Variants in VPS26C observed in about 807,000 individuals in gnomAD.
The protein encoded by VPS26C is vacuolar protein sorting-associated protein 26C.
VPS26C carries 19 observed loss-of-function variants against 30.6 expected under a neutral mutation model. That is an observed-to-expected ratio of 0.62 (90% CI 0.43 to 0.91). The LOEUF (loss-of-function observed/expected upper bound fraction) is 0.91, where lower values mean the gene tolerates loss of function less well. Among genes scored for constraint, VPS26C ranks in the 40% least tolerant of loss-of-function variants. The pLI is 0.00. For missense variants in VPS26C, 318 were observed against 385.1 expected (o/e 0.83, Z 1.46); for synonymous variants, 132 against 151.5 (o/e 0.87, Z 0.95).
At position 37,233,152 on chromosome 21, in the gene VPS26C, G is replaced by A. The variant is rs554487986; in HGVS notation, c.432+210C>T. The A allele has an allele frequency of 4.4e-5, 23 of 525,438 alleles. No individual in the cohort carries two copies. The highest frequency in any genetic ancestry group is 9.5e-5 in the African/African-American group (5 of 52,892). The allele number at this position is 525,438 out of a possible 1,614,324, so 32.5% of individuals were successfully genotyped here. A position where few individuals can be genotyped will look rare whatever the true frequency, so the allele number is the denominator to read the frequency against. ...TGCCGACGTGGAGTCCCTCTGGCCC[G>A]CGGCCTCAGCTGGGGGACTCTGGGC... On this transcript the variant is annotated intron_variant, in intron 4 of 7. Coordinates refer to ENST00000309117, the MANE Select transcript of VPS26C (RefSeq NM_006052.2). This position sits in a 1 kb window ranked among gnomAD's most constrained non-coding sequence, Gnocchi z 5.2.
At chr21:37,225,788 ACTT>A (rs1555928804) in intron 7 of VPS26C, 162 bp from the exon 8 acceptor site, 1 of 530,304 alleles carries the variant, frequency 1.9e-6, no homozygotes, top group Non-Finnish European at 3.2e-6. Context: ...TTTCAGCCAA[ACTT>A]TCAGTGGAGA....
rs1211096494 is a variant in VPS26C, at chr21:37,225,725, G to A, written c.812-99C>T. The stretch of plus-strand genomic sequence containing the variant: ...GTCGCAGGAAGCTCTAACGGCGAAG[G>A]AGCACCCGGTGCGGGTGGGTTTCAT... On this transcript the variant is annotated intron_variant, in intron 7 of 7. Transcript: ENST00000309117. The A allele has an allele frequency of 6.9e-6, 7 of 1,019,108 alleles. No individual in the cohort carries two copies. In the East Asian group the frequency reaches 1.5e-4, roughly 22 times the overall value. The allele number at this position is 1,019,108 out of a possible 1,614,324, so 63.1% of individuals were successfully genotyped here.
intron 1 of VPS26C, among the ~76,000 whole-genome samples, chr21:37,256,141 C>T (rs557595979): frequency 2.0e-4 from 30 of 152,212 alleles, no homozygotes; most frequent in African/African-American, 7.0e-4. Context: ...CGGCCCTAGG[C>T]ACTGTATTAT....
chr21:37,225,918 T>A (rs559614164), intron 7 of VPS26C: 15 of 457,170 alleles, frequency 3.3e-5, no homozygotes, highest in Non-Finnish European at 6.0e-5. Flanking sequence ...TCCCTTTGCT[T>A]TCCTAAAAAG....
Position 37,225,436 on chromosome 21 carries a change from A to G in VPS26C, c.*108T>C. The G allele has an allele frequency of 1.1e-6, 1 of 919,626 alleles. No individual in the cohort carries two copies. The highest frequency in any genetic ancestry group is 1.7e-6 in the Non-Finnish European group (1 of 571,458). 57.0% of individuals were successfully genotyped at this position (919,626 alleles called of 1,614,324 possible). ...GTCTGTTTCATTTCTGATACAGAAT[A>G]ATCACAAAAACAAGTATATGCCGCT... is the stretch of plus-strand genomic sequence containing the variant. On this transcript the variant is annotated 3_prime_UTR_variant, in exon 8 of 8. Coordinates refer to ENST00000309117, the MANE Select transcript of VPS26C (RefSeq NM_006052.2).
At chr21:37,227,092 A>T (rs1314347645) in intron 7 of VPS26C, 1 of 152,542 alleles carries the variant, frequency 6.6e-6, no homozygotes, top group Admixed American at 6.5e-5. Flanking sequence ...AGGTTCATGG[A>T]AACTCACTAG....
intron 3 of VPS26C, 161 bp downstream of exon 3, chr21:37,238,299 A>G: frequency 1.3e-6 from 1 of 780,944 alleles, no homozygotes; most frequent in African/African-American, 1.8e-5. Flanking sequence ...AAATGCATTT[A>G]TCAGGGAAAT....
rs567069636 is a variant in VPS26C at position 37,260,432 on chromosome 21, A to C, written c.57+6806T>G. ...GTGGTGGCTCATGCCTGTAATCCCA[A>C]CACTTTTGTCAGGCCAAGGCAGGAG... is the stretch of plus-strand genomic sequence containing the variant. On this transcript the variant is annotated intron_variant, in intron 1 of 7. Transcript: ENST00000309117. Among the ~76,000 whole-genome samples, 4 of 152,282 alleles carry C rather than the reference A, an allele frequency of 2.6e-5. No homozygotes were observed. In the South Asian group the frequency reaches 8.3e-4, roughly 32 times the overall value.
intron 1 of VPS26C, among the ~76,000 whole-genome samples, chr21:37,246,423 C>T (rs2019292837): frequency 6.6e-6 from 1 of 151,344 alleles, no homozygotes; most frequent in South Asian, 2.1e-4. Context: ...ATAAAAAAAC[C>T]CAACCAAACT....
rs2085922667 is a variant in VPS26C, at chr21:37,228,167, G to A, written c.658+56C>T. 9.5e-6 allele frequency: 15 copies of A among 1,585,286 alleles called. No homozygotes were observed. The South Asian group carries it at 1.1e-4, about 12-fold the overall frequency. On this transcript the variant is annotated intron_variant, in intron 6 of 7. Coordinates refer to ENST00000309117, the MANE Select transcript of VPS26C (RefSeq NM_006052.2). ...CAGCATCCTCTTAACCATGGAACGT[G>A]AGGGTGGCAGTCGAGGGGGACAGGC... is the stretch of plus-strand genomic sequence containing the variant.
intron 5 of VPS26C, 37 bp from the exon 6 acceptor site, chr21:37,228,410 G>A: frequency 6.2e-7 from 1 of 1,609,262 alleles, no homozygotes; most frequent in Non-Finnish European, 8.5e-7. Context: ...CAGAATGCAG[G>A]CAAGGGGGGA....
intron 1 of VPS26C, among the ~76,000 whole-genome samples, chr21:37,255,533 G>C (rs529371409): frequency 1.3e-5 from 2 of 152,154 alleles, no homozygotes; most frequent in African/African-American, 4.8e-5. Flanking sequence ...GCTACCCAGA[G>C]GTCAATTCTG....
In VPS26C at chr21:37,267,221, C is replaced by T. The variant is rs1172788334; in HGVS notation, c.57+17G>A. On this transcript the variant is annotated intron_variant, in intron 1 of 7. Coordinates refer to ENST00000309117, the MANE Select transcript of VPS26C (RefSeq NM_006052.2). ...CGCCCAACCCCACCTCCATCCCCAC[C>T]CCCAGCCCCCACTTACCCCGGCGTG... 6.7e-7 allele frequency: 1 copy of T among 1,499,502 alleles called. No homozygotes were observed. Among genetic ancestry groups the T allele is most frequent in the Non-Finnish European group, 9.2e-7 (1 of 1,081,156 alleles). 92.9% of individuals were successfully genotyped at this position (1,499,502 alleles called of 1,614,324 possible).
chr21:37,258,260 C>A (rs3787798), intron 1 of VPS26C, among the ~76,000 whole-genome samples: 20,011 of 152,284 alleles, frequency 0.13, 1,511 homozygotes, highest in East Asian at 0.23. Context: ...TCCTGATCCG[C>A]GCTGCAGTTC....
In VPS26C at chr21:37,225,446, A is replaced by G; in HGVS notation, c.*98T>C. ...TTTCTGATACAGAATAATCACAAAA[A>G]CAAGTATATGCCGCTGGCTGTAGCT... On this transcript the variant is annotated 3_prime_UTR_variant, in exon 8 of 8. Transcript: ENST00000309117. 1 of 1,000,884 alleles carries G rather than the reference A, an allele frequency of 1.0e-6. No homozygotes were observed. The highest frequency in any genetic ancestry group is 2.5e-5 in the East Asian group (1 of 40,514). The allele number at this position is 1,000,884 out of a possible 1,614,324, so 62.0% of individuals were successfully genotyped here.
chr21:37,241,488 C>T (rs1337896728), intron 1 of VPS26C, among the ~76,000 whole-genome samples: 5 of 152,080 alleles, frequency 3.3e-5, no homozygotes, highest in Admixed American at 2.6e-4. Context: ...TAGTATCAAG[C>T]GGAACAGAAA....
rs1458578150 is a variant in VPS26C, at chr21:37,257,334, C to T, written c.57+9904G>A. Among the ~76,000 whole-genome samples, 4 of 152,170 alleles carry T rather than the reference C, an allele frequency of 2.6e-5. No individual in the cohort carries two copies. The highest frequency in any genetic ancestry group is 7.2e-5 in the African/African-American group (3 of 41,456). ...GGCAAGGTTCCCTCTGAGGCCGTAG[C>T]GGCTTCTCGTGGGCGAGTCCCTGTT... On this transcript the variant is annotated intron_variant, in intron 1 of 7. Coordinates refer to ENST00000309117, the MANE Select transcript of VPS26C (RefSeq NM_006052.2). The surrounding 1 kb of genome is among the most constrained non-coding windows in gnomAD (Gnocchi z 4.2).
chr21:37,238,808 T>C (rs185474211), intron 2 of VPS26C, among the ~76,000 whole-genome samples, 199 bp from the exon 3 acceptor site: 2 of 152,278 alleles, frequency 1.3e-5, no homozygotes, highest in Admixed American at 6.5e-5. Flanking sequence ...AATGATTCAT[T>C]TACAACATGA....
At chr21:37,234,818 T>C (rs563659333) in intron 3 of VPS26C, among the ~76,000 whole-genome samples, 5 of 152,232 alleles carry the variant, frequency 3.3e-5, no homozygotes, top group African/African-American at 9.6e-5. Flanking sequence ...AGGATCTTTA[T>C]GTAGAATATA....
Sources: allele counts gnomAD v4.1 joint callset (sites outside exome capture counted in the v4.1 genomes callset), GRCh38; gene constraint gnomAD v4.1.1; non-coding constraint Gnocchi (gnomAD v3.1); transcripts MANE v1.5; gene names NCBI Gene and HGNC (gene_info 2026-07-23, HGNC 2026-07-21).